CREB5: variants seen among roughly 807,000 people sequenced by gnomAD.
CREB5 encodes cyclic AMP-responsive element-binding protein 5.
Under a neutral mutation model 57.1 loss-of-function variants are expected in CREB5, and 19 were observed. That is an observed-to-expected ratio of 0.33 (90% confidence interval 0.23 to 0.49). The LOEUF (loss-of-function observed/expected upper bound fraction) is 0.49. Ranked by LOEUF, CREB5 falls within the 20% of genes least tolerant of loss-of-function variation. CREB5 has a pLI of 0.99. For synonymous variants in CREB5, 238 were observed against 238.3 expected, an observed-to-expected ratio of 1.00 and a Z score of 0.01; for missense variants, 579 against 671.6, an observed-to-expected ratio of 0.86 and a Z score of 1.52.
At chr7:28,324,410 C>G (rs1313280902) in intron 1 of CREB5, among the ~76,000 whole-genome samples, 2 of 152,168 alleles carry the variant, frequency 1.3e-5, no homozygotes, top group Non-Finnish European at 2.9e-5. Flanking sequence ...TACCTCCATG[C>G]TCTCAAGTCC....
At chr7:28,602,063 A>G (rs1796939267) in intron 5 of CREB5, among the ~76,000 whole-genome samples, 1 of 152,008 alleles carries the variant, frequency 6.6e-6, no homozygotes, top group Non-Finnish European at 1.5e-5. Context: ...CATAAGGGCA[A>G]TCTTTTTAAA....
At chr7:28,750,823 T>C (rs1326534229) in intron 7 of CREB5, among the ~76,000 whole-genome samples, 1 of 152,194 alleles carries the variant, frequency 6.6e-6, no homozygotes, top group Non-Finnish European at 1.5e-5. Context: ...AAATGTGTAA[T>C]TGAAGTGTCA....
At chr7:28,680,717 C>T (rs1313743410) in intron 5 of CREB5, among the ~76,000 whole-genome samples, 1 of 151,484 alleles carries the variant, frequency 6.6e-6, no homozygotes, top group African/African-American at 2.4e-5. Flanking sequence ...TGAAATCATG[C>T]CACTGCACTC....
rs1312874193 is a variant in CREB5, at chr7:28,824,438, G to A, written c.*5159G>A. On this transcript the variant is annotated 3_prime_UTR_variant, in exon 11 of 11. Transcript: ENST00000357727. ...ACTCTCTGAGGCCACTGAAAGAACA[G>A]TGGCCCTATCGATTTCATTCCTAGG... The A allele has an allele frequency of 6.6e-6, 1 of 152,576 alleles. No homozygotes were observed. The highest frequency in any genetic ancestry group is 1.9e-4 in the East Asian group (1 of 5,194). The allele number at this position is 152,576 out of a possible 1,614,324, so 9.5% of individuals were successfully genotyped here.
intron 1 of CREB5, among the ~76,000 whole-genome samples, chr7:28,457,370 A>C (rs966606565): frequency 6.6e-6 from 1 of 152,170 alleles, no homozygotes; most frequent in African/African-American, 2.4e-5. Flanking sequence ...ATGCTGAGAA[A>C]CAAGTGACTG....
chr7:28,323,666 G>A (rs990290002), intron 1 of CREB5, among the ~76,000 whole-genome samples: 2 of 152,156 alleles, frequency 1.3e-5, no homozygotes, highest in Admixed American at 1.3e-4. Flanking sequence ...TTTGGCACCA[G>A]AGACCAGTTT....
At chr7:28,591,272 C>G (rs764897839) in intron 5 of CREB5, among the ~76,000 whole-genome samples, 9 of 152,128 alleles carry the variant, frequency 5.9e-5, no homozygotes, top group Non-Finnish European at 1.2e-4. Flanking sequence ...ATTTTTCACC[C>G]AAGCATAACG....
At chr7:28,724,361 T>C in intron 7 of CREB5, 29 bp downstream of exon 7, 1 of 1,569,796 alleles carries the variant, frequency 6.4e-7, no homozygotes, top group Non-Finnish European at 8.8e-7. Flanking sequence ...CACCCTTTCA[T>C]TATTCTGTGA....
chr7:28,544,091 T>C (rs13221346), intron 4 of CREB5, among the ~76,000 whole-genome samples: 19,760 of 151,978 alleles, frequency 0.13, 1,625 homozygotes, highest in Non-Finnish European at 0.16. Context: ...TTAATGGTTA[T>C]TGTCTTTTTA....
intron 1 of CREB5, among the ~76,000 whole-genome samples, chr7:28,308,977 A>C (rs777144872): frequency 7.2e-5 from 11 of 152,280 alleles, no homozygotes; most frequent in Non-Finnish European, 1.0e-4. Flanking sequence ...GGCCTCAACC[A>C]ATCAGCTGAG....
At chr7:28,813,923 C>T (rs1308796717) in intron 9 of CREB5, among the ~76,000 whole-genome samples, 1 of 152,098 alleles carries the variant, frequency 6.6e-6, no homozygotes, top group Non-Finnish European at 1.5e-5. Context: ...ACAATCAATA[C>T]ATATTATTAA....
intron 1 of CREB5, among the ~76,000 whole-genome samples, chr7:28,385,498 GA>G (rs1787069812): frequency 6.6e-6 from 1 of 151,970 alleles, no homozygotes; most frequent in African/African-American, 2.4e-5. Context: ...GCAACATGGT[GA>G]AACCCTGTCT....
intron 7 of CREB5, among the ~76,000 whole-genome samples, chr7:28,725,690 AAAG>A (rs1345895217): frequency 1.3e-5 from 2 of 151,988 alleles, no homozygotes; most frequent in Non-Finnish European, 2.9e-5. Context: ...AAAAGAAAGA[AAAG>A]AAAAAATGAA....
At chr7:28,719,013 G>A in intron 6 of CREB5, 134 bp downstream of exon 6, 5 of 1,413,636 alleles carry the variant, frequency 3.5e-6, no homozygotes, top group Non-Finnish European at 4.7e-6. Flanking sequence ...GGGTTGAGCT[G>A]TGTGCAATTT....
intron 1 of CREB5, among the ~76,000 whole-genome samples, chr7:28,329,921 T>C (rs1283709090): frequency 6.6e-6 from 1 of 152,268 alleles, no homozygotes; most frequent in Non-Finnish European, 1.5e-5. Context: ...AAGTACTTTT[T>C]ACACTGATGG....
At chr7:28,693,723 G>A (rs922899354) in intron 5 of CREB5, among the ~76,000 whole-genome samples, 3 of 152,102 alleles carry the variant, frequency 2.0e-5, no homozygotes, top group Admixed American at 6.5e-5. Context: ...TCTGAGCCTC[G>A]GTTACTTCAT....
At chr7:28,683,920 A>T (rs979976779) in intron 5 of CREB5, among the ~76,000 whole-genome samples, 1 of 152,062 alleles carries the variant, frequency 6.6e-6, no homozygotes, top group African/African-American at 2.4e-5. Context: ...AATTTGGAAA[A>T]CTCTACCACA....
chr7:28,522,822 A>T (rs75471720), intron 4 of CREB5, among the ~76,000 whole-genome samples: 1,803 of 152,328 alleles, frequency 0.012, 27 homozygotes, highest in African/African-American at 0.041. Context: ...TAGCAATGAA[A>T]GGTAGCTTGC....
chr7:28,791,173 T>C (rs1807687423), intron 7 of CREB5, among the ~76,000 whole-genome samples: 1 of 152,202 alleles, frequency 6.6e-6, no homozygotes, highest in Non-Finnish European at 1.5e-5. Flanking sequence ...AAAAAAGGAA[T>C]TGAGCTTCTT....
Sources: allele counts gnomAD v4.1 joint callset (sites outside exome capture counted in the v4.1 genomes callset), GRCh38; gene constraint gnomAD v4.1.1; transcripts MANE v1.5; gene names NCBI Gene and HGNC (gene_info 2026-07-23, HGNC 2026-07-21).